KCNH1: variants seen among roughly 807,000 people sequenced by gnomAD.
KCNH1 encodes the protein voltage-gated delayed rectifier potassium channel KCNH1.
KCNH1 carries 27 observed loss-of-function variants against 69.2 expected under a neutral mutation model. The ratio of observed to expected loss-of-function variants is 0.39; its 90% CI spans 0.29 to 0.54. The LOEUF is 0.54. Among genes scored for constraint, KCNH1 ranks in the 20% least tolerant of loss-of-function variants. KCNH1 has a pLI of 0.68. For synonymous variants in KCNH1, 456 were observed against 487.7 expected (o/e 0.93, Z 0.86); for missense variants, 798 against 1,261.6 (o/e 0.63, Z 5.57).
At chr1:210,906,901 T>C (rs1303086933) in intron 7 of KCNH1, among the ~76,000 whole-genome samples, 2 of 152,020 alleles carry the variant, frequency 1.3e-5, no homozygotes, top group Admixed American at 1.3e-4. Flanking sequence ...GCTAGGGAGG[T>C]AATAACCAAG....
At chr1:210,863,198 C>A (rs1686018764) in intron 7 of KCNH1, among the ~76,000 whole-genome samples, 1 of 152,122 alleles carries the variant, frequency 6.6e-6, no homozygotes, top group Non-Finnish European at 1.5e-5. Flanking sequence ...ACCTGGTGAG[C>A]CTATCAATGC....
At chr1:210,848,839 A>G (rs973005710) in intron 7 of KCNH1, among the ~76,000 whole-genome samples, 2 of 152,208 alleles carry the variant, frequency 1.3e-5, no homozygotes, top group Non-Finnish European at 2.9e-5. Context: ...CAAATAAACT[A>G]CAGATTCCTT....
intron 10 of KCNH1, among the ~76,000 whole-genome samples, chr1:210,724,330 G>T (rs752405216): frequency 6.6e-6 from 1 of 152,108 alleles, no homozygotes; most frequent in Non-Finnish European, 1.5e-5. Context: ...TGATTTCAAT[G>T]TGCAGCCAAG....
intron 7 of KCNH1, among the ~76,000 whole-genome samples, chr1:210,845,311 T>C (rs1053965449): frequency 2.0e-5 from 3 of 152,138 alleles, no homozygotes; most frequent in Non-Finnish European, 4.4e-5. Context: ...TTGATGAACA[T>C]CGATGCAAAA....
At chr1:210,832,448 C>G (rs1432189449) in intron 7 of KCNH1, among the ~76,000 whole-genome samples, 1 of 152,170 alleles carries the variant, frequency 6.6e-6, no homozygotes, top group East Asian at 1.9e-4. Flanking sequence ...CTGCTCTGTT[C>G]TGATTTGTTT....
intron 6 of KCNH1, among the ~76,000 whole-genome samples, chr1:210,923,934 T>C (rs1687514364): frequency 6.6e-6 from 1 of 152,166 alleles, no homozygotes; most frequent in African/African-American, 2.4e-5. Flanking sequence ...TAAGATGAGG[T>C]CATACTGGAA....
intron 6 of KCNH1, among the ~76,000 whole-genome samples, chr1:210,980,005 C>T (rs1688681267): frequency 6.6e-6 from 1 of 152,196 alleles, no homozygotes; most frequent in Non-Finnish European, 1.5e-5. Context: ...CTAATTATGA[C>T]ATTTGTAACT....
At position 210,919,861 on chromosome 1, in the gene KCNH1, C is replaced by T. The variant is rs1358694562; in HGVS notation, c.1241G>A (p.Arg414His). 5.0e-6 allele frequency: 8 copies of T among 1,614,164 alleles called. No homozygotes were observed. The highest frequency in any genetic ancestry group is 6.8e-6 in the Non-Finnish European group (8 of 1,180,018). Residue 414 changes from arginine (R) to histidine (H), a missense_variant, in exon 7 of 11, where the codon CGC becomes CAC. Coordinates refer to ENST00000271751, the MANE Select transcript of KCNH1 (RefSeq NM_172362.3). The surrounding 1 kb of genome is among the most constrained non-coding windows in gnomAD (Gnocchi z 4.2). ...TAGTTGGTACAGCCAGCTGTTGTTG[C>T]GGATTGTCTTGGTGTCCTCGTCAAA... ...EIFDEDTKTI[R>H]NNSWLYQLAM...
rs755753894 is a variant in KCNH1, at chr1:211,107,306, T to G, written c.151A>C (p.Lys51Gln). ...TCTGCCCTGTGATAGCCAGACAGCT[T>G]GCAAAATCCATCATTGCTGTACACA... Reference protein sequence around the residue: ...PIVYSNDGFCKLSGYHRAEVM... With the variant: ...PIVYSNDGFCQLSGYHRAEVM... Residue 51 changes from lysine (K) to glutamine (Q), a missense_variant, in exon 2 of 11, where the codon AAG (lysine) becomes CAG (glutamine). Lys to Gln is a moderately conservative substitution (Grantham distance 53). Transcript: ENST00000271751. The G allele has an allele frequency of 6.2e-7, 1 of 1,613,814 alleles. No homozygotes were observed. Among genetic ancestry groups the G allele is most frequent in the Non-Finnish European group, 8.5e-7 (1 of 1,179,902 alleles).
At chr1:210,952,013 G>A (rs1056899224) in intron 6 of KCNH1, among the ~76,000 whole-genome samples, 2 of 152,036 alleles carry the variant, frequency 1.3e-5, no homozygotes, top group South Asian at 2.1e-4. Context: ...ACACTTGCGC[G>A]GGGTACACAG....
chr1:211,029,494 C>A (rs1689744552), intron 5 of KCNH1, among the ~76,000 whole-genome samples: 1 of 150,758 alleles, frequency 6.6e-6, no homozygotes, highest in African/African-American at 2.4e-5. Context: ...AAATTCAACA[C>A]CCAACACCCA....
chr1:210,918,758 G>A (rs1262944493), intron 7 of KCNH1: 1 of 152,096 alleles, frequency 6.6e-6, no homozygotes, highest in Non-Finnish European at 1.5e-5. Flanking sequence ...CATCAAGCAA[G>A]ACATCAAAAA....
At chr1:210,756,045 C>T (rs1228333206) in intron 10 of KCNH1, among the ~76,000 whole-genome samples, 1 of 152,122 alleles carries the variant, frequency 6.6e-6, no homozygotes, top group Admixed American at 6.5e-5. Flanking sequence ...GCTATGGAAC[C>T]CCTCATGGTG....
At position 210,832,907 on chromosome 1, in the gene KCNH1, C is replaced by CATATATATATATATAT. The variant is rs367619819; in HGVS notation, c.1463-28742_1463-28741insATATATATATATATAT. Among the ~76,000 whole-genome samples, 726 of 110,602 alleles carry CATATATATATATATAT rather than the reference C, an allele frequency of 6.6e-3. 10 individuals carry two copies. The highest frequency in any genetic ancestry group is 0.011 in the South Asian group (34 of 3,124). The allele number at this position is 110,602 out of a possible 152,430, so 72.6% of individuals were successfully genotyped here. ...AAACAGGTGTTGCATTTCTCAAATA[C>CATATATATATATATAT]ATATATATATATATACATATAAATT... On this transcript the variant is annotated intron_variant, in intron 7 of 10. Coordinates refer to ENST00000271751, the MANE Select transcript of KCNH1 (RefSeq NM_172362.3).
At chr1:211,055,584 T>TG (rs1690288347) in intron 5 of KCNH1, among the ~76,000 whole-genome samples, 1 of 152,150 alleles carries the variant, frequency 6.6e-6, no homozygotes, top group Admixed American at 6.5e-5. Context: ...CCAGCTGGGA[T>TG]GGCCAAGGAA....
chr1:210,895,678 T>C lies in KCNH1; in HGVS notation c.1462+23962A>G, dbSNP rs1458379792. 2.0e-5 allele frequency among the ~76,000 whole-genome samples: 3 copies of C among 151,734 alleles called. No homozygotes were observed. In the East Asian group the frequency reaches 5.8e-4, roughly 29 times the overall value. On this transcript the variant is annotated intron_variant, in intron 7 of 10. Coordinates refer to ENST00000271751, the MANE Select transcript of KCNH1 (RefSeq NM_172362.3). ...ACCAACAGGGGTCTACAGACAGACA[T>C]CAGGAAACATAGGAAAGGGATAAAA...
At chr1:211,058,097 G>A (rs1690348071) in intron 5 of KCNH1, among the ~76,000 whole-genome samples, 2 of 152,098 alleles carry the variant, frequency 1.3e-5, no homozygotes, top group Non-Finnish European at 2.9e-5. Context: ...CTTATCCTAT[G>A]ATAGTATATC....
At position 210,797,537 on chromosome 1, in the gene KCNH1, A is replaced by C; in HGVS notation, c.1886T>G (p.Ile629Ser). 1 of 1,614,182 alleles carries C rather than the reference A, an allele frequency of 6.2e-7. No homozygotes were observed. The highest frequency in any genetic ancestry group is 8.5e-7 in the Non-Finnish European group (1 of 1,180,018). Residue 629 changes from isoleucine to serine, a missense_variant, in exon 9 of 11, where the codon ATC becomes AGC. Coordinates refer to ENST00000271751, the MANE Select transcript of KCNH1 (RefSeq NM_172362.3). The part of the protein sequence containing the change: ...CFVVSGSLEV[I>S]QDDEVVAILG... ...AATGGCCACCACCTCATCATCTTGGATCACCTCCAGGGAGCCAGAAACCAC... is the reference window on the plus strand; with the variant it reads ...AATGGCCACCACCTCATCATCTTGGCTCACCTCCAGGGAGCCAGAAACCAC...
chr1:210,789,712 A>G (rs1684176862), intron 9 of KCNH1, among the ~76,000 whole-genome samples: 1 of 152,248 alleles, frequency 6.6e-6, no homozygotes, highest in Non-Finnish European at 1.5e-5. Flanking sequence ...CTAAAGCCTC[A>G]CAAACAAGAC....
Sources: allele counts gnomAD v4.1 joint callset (sites outside exome capture counted in the v4.1 genomes callset), GRCh38; gene constraint gnomAD v4.1.1; non-coding constraint Gnocchi (gnomAD v3.1); transcripts MANE v1.5; gene names NCBI Gene and HGNC (gene_info 2026-07-23, HGNC 2026-07-21).